AGBL4: variants seen among roughly 807,000 people sequenced by gnomAD.
AGBL4 encodes cytosolic carboxypeptidase 6.
A neutral mutation model predicts 66.4 loss-of-function variants in AGBL4; 58 were observed. The ratio of observed to expected loss-of-function variants is 0.87; its 90% CI spans 0.71 to 1.09. AGBL4 has a LOEUF of 1.09. Ranked by LOEUF, AGBL4 falls within the 50% of genes least tolerant of loss-of-function variation. The pLI, the probability that AGBL4 is intolerant of heterozygous loss-of-function variation, is 0.00. For missense variants in AGBL4, 579 were observed against 631.0 expected (o/e 0.92, Z 0.88); for synonymous variants, 234 against 222.9 (o/e 1.05, Z -0.44).
chr1:48,558,845 T>C (rs1644357975), intron 11 of AGBL4, among the ~76,000 whole-genome samples: 1 of 152,210 alleles, frequency 6.6e-6, no homozygotes, highest in Non-Finnish European at 1.5e-5. Flanking sequence ...CAGTTTGAGT[T>C]GGGTTTTCTG....
chr1:48,588,798 CAGAGA>C (rs547681818), intron 10 of AGBL4, among the ~76,000 whole-genome samples: 8,235 of 113,094 alleles, frequency 0.073, 399 homozygotes, highest in African/African-American at 0.14. Flanking sequence ...CATTGAGGAT[CAGAGA>C]AGAGAAGAGA....
Position 49,283,701 on chromosome 1 carries a change from C to T in AGBL4, c.283-37837G>A, listed in dbSNP as rs1374496972. Among the ~76,000 whole-genome samples, 3 of 150,432 alleles carry T rather than the reference C, an allele frequency of 2.0e-5. No individual in the cohort carries two copies. The South Asian group carries it at 6.4e-4, about 32-fold the overall frequency. On this transcript the variant is annotated intron_variant, in intron 3 of 13. Coordinates refer to ENST00000371839, the MANE Select transcript of AGBL4 (RefSeq NM_032785.4). The stretch of plus-strand genomic sequence containing the variant: ...GAGCTGATGGAGCTGAAAACCAAGG[C>T]TCAAGAACTACGTGAAGAATGCAGA...
chr1:49,580,586 G>A (rs1644522872), intron 3 of AGBL4, among the ~76,000 whole-genome samples: 2 of 152,120 alleles, frequency 1.3e-5, no homozygotes, highest in Non-Finnish European at 2.9e-5. Flanking sequence ...TGGACTGGTG[G>A]TAATAAAGTC....
intron 3 of AGBL4, among the ~76,000 whole-genome samples, chr1:49,678,836 A>G (rs1328513464): frequency 6.6e-6 from 1 of 152,154 alleles, no homozygotes; most frequent in African/African-American, 2.4e-5. Context: ...TATCATTTCA[A>G]TTATTTGGAA....
intron 4 of AGBL4, among the ~76,000 whole-genome samples, chr1:49,205,868 T>C (rs1044189041): frequency 6.6e-6 from 1 of 152,146 alleles, no homozygotes; most frequent in Non-Finnish European, 1.5e-5. Context: ...TATAACTGAA[T>C]TCCTAGGTCT....
chr1:48,574,976 T>A (rs954161109), intron 11 of AGBL4, among the ~76,000 whole-genome samples: 5 of 152,024 alleles, frequency 3.3e-5, no homozygotes, highest in Non-Finnish European at 7.4e-5. Context: ...TCACAGCAAA[T>A]CCTAAGATGA....
chr1:49,573,387 G>C (rs553468736), intron 3 of AGBL4, among the ~76,000 whole-genome samples: 1 of 152,084 alleles, frequency 6.6e-6, no homozygotes, highest in Admixed American at 6.6e-5. Context: ...GATAGTCCTT[G>C]ACATGAACTG....
chr1:48,761,018 G>A, intron 6 of AGBL4: 2 of 211,092 alleles, frequency 9.5e-6, no homozygotes, highest in Non-Finnish European at 1.9e-5. Flanking sequence ...TAACGTTCTT[G>A]GAGCTTAGCA....
chr1:49,426,776 G>A (rs182162567), intron 3 of AGBL4, among the ~76,000 whole-genome samples: 1 of 152,148 alleles, frequency 6.6e-6, no homozygotes, highest in African/African-American at 2.4e-5. Context: ...TCTACAGAAA[G>A]TATTATGTTC....
chr1:49,272,710 T>C (rs1644086465), intron 3 of AGBL4, among the ~76,000 whole-genome samples: 1 of 152,138 alleles, frequency 6.6e-6, no homozygotes, highest in Admixed American at 6.5e-5. Context: ...ACCAATCTCA[T>C]AACTAAAATT....
intron 1 of AGBL4, among the ~76,000 whole-genome samples, chr1:49,952,828 T>C (rs868750147): frequency 6.6e-6 from 1 of 151,958 alleles, no homozygotes; most frequent in Middle Eastern, 3.4e-3. Flanking sequence ...GAAGCAACAA[T>C]AGGAAAAGAG....
intron 3 of AGBL4, among the ~76,000 whole-genome samples, chr1:49,530,787 G>C (rs1319158869): frequency 6.6e-6 from 1 of 151,984 alleles, no homozygotes; most frequent in African/African-American, 2.4e-5. Context: ...ATCCTGAAGA[G>C]AGTAAATATA....
intron 9 of AGBL4, among the ~76,000 whole-genome samples, chr1:48,626,822 G>A (rs1462679662): frequency 6.6e-6 from 1 of 152,208 alleles, no homozygotes. Flanking sequence ...GGGACCCACA[G>A]TCCAGTTCCC....
intron 4 of AGBL4, among the ~76,000 whole-genome samples, chr1:49,107,934 C>A (rs989618136): frequency 2.6e-5 from 4 of 152,144 alleles, no homozygotes; most frequent in African/African-American, 9.7e-5. Context: ...GCTCCCAGTA[C>A]CCATAGGGTG....
chr1:49,594,766 T>TAC (rs1558084774), intron 3 of AGBL4, among the ~76,000 whole-genome samples: 3 of 152,224 alleles, frequency 2.0e-5, no homozygotes, highest in South Asian at 4.1e-4. Flanking sequence ...TAGTCTATCA[T>TAC]TGATGGGCAT....
chr1:49,837,919 G>A lies in AGBL4; in HGVS notation c.157+13477C>T, dbSNP rs181035747. ...CCAACTACTATAGCCCTGAGCTATT[G>A]GAAGCAGAAGGTGGTGAGTGAAGAT... On this transcript the variant is annotated intron_variant, in intron 2 of 13. Coordinates refer to ENST00000371839, the MANE Select transcript of AGBL4 (RefSeq NM_032785.4). 1.9e-4 allele frequency among the ~76,000 whole-genome samples: 29 copies of A among 152,292 alleles called. No individual in the cohort carries two copies. In the East Asian group the frequency reaches 5.4e-3, roughly 28 times the overall value.
intron 1 of AGBL4, among the ~76,000 whole-genome samples, chr1:49,974,730 G>GGAA (rs1658420416): frequency 6.6e-6 from 1 of 152,110 alleles, no homozygotes; most frequent in Admixed American, 6.6e-5. Flanking sequence ...TCTCCTAGAA[G>GGAA]GAAGTAACAT....
chr1:49,003,715 TA>T (rs558532647), intron 5 of AGBL4, among the ~76,000 whole-genome samples: 124 of 152,284 alleles, frequency 8.1e-4, no homozygotes, highest in African/African-American at 2.9e-3. Flanking sequence ...TGCTTTCTTT[TA>T]GGGTAGATAC....
chr1:48,720,190 G>C (rs912908296), intron 6 of AGBL4, among the ~76,000 whole-genome samples: 1 of 152,184 alleles, frequency 6.6e-6, no homozygotes, highest in East Asian at 1.9e-4. Flanking sequence ...CTACCTTAAA[G>C]GGCTTAGTCC....
Sources: gnomAD v4.1 joint callset for allele counts (sites outside exome capture counted in the v4.1 genomes callset) on GRCh38, gnomAD v4.1.1 for gene constraint, MANE v1.5 for transcripts, NCBI Gene and HGNC (gene_info 2026-07-23, HGNC 2026-07-21) for gene names.